The following MAD1L1 variants were observed in gnomAD, a reference collection of about 807,000 sequenced individuals.
The protein encoded by MAD1L1 is mitotic arrest deficient 1 like 1.
Under a neutral mutation model 96.9 loss-of-function variants are expected in MAD1L1, and 95 were observed. The observed-to-expected ratio is 0.98, with a 90% CI of 0.83 to 1.16. The LOEUF is 1.16. Among genes scored for constraint, MAD1L1 ranks in the 50% most tolerant of loss-of-function variants. The pLI is 0.00. For synonymous variants in MAD1L1, 473 were observed against 396.6 expected, an observed-to-expected ratio of 1.19 and a Z score of -2.29; for missense variants, 1,007 against 954.4, an observed-to-expected ratio of 1.06 and a Z score of -0.73.
At chr7:1,846,601 CCCA>C (rs1364333860) in intron 18 of MAD1L1, 1 of 154,998 alleles carries the variant, frequency 6.5e-6, no homozygotes, top group Non-Finnish European at 1.4e-5. Context: ...AGGAGCTGCC[CCCA>C]CAAGGAATGG....
At chr7:1,907,620 C>T (rs1004113038) in intron 17 of MAD1L1, among the ~76,000 whole-genome samples, 6 of 152,238 alleles carry the variant, frequency 3.9e-5, no homozygotes, top group African/African-American at 9.6e-5. Flanking sequence ...TGTGCGTTCA[C>T]GGACAAGTCA....
chr7:2,231,923 G>A (rs373293907), intron 1 of MAD1L1, among the ~76,000 whole-genome samples: 8 of 152,066 alleles, frequency 5.3e-5, no homozygotes, highest in African/African-American at 1.7e-4. Flanking sequence ...ATGGGAATAC[G>A]GCTGCAGGTT....
chr7:2,108,937 C>A (rs950667210), intron 11 of MAD1L1, among the ~76,000 whole-genome samples: 1 of 152,248 alleles, frequency 6.6e-6, no homozygotes, highest in Non-Finnish European at 1.5e-5. Flanking sequence ...AGGGCCCCCG[C>A]GAGGGCTCGC....
chr7:2,085,473 T>A (rs1785868359), intron 11 of MAD1L1, among the ~76,000 whole-genome samples: 1 of 152,226 alleles, frequency 6.6e-6, no homozygotes, highest in African/African-American at 2.4e-5. Flanking sequence ...ACTCTGATAT[T>A]TCTGCCCACA....
At chr7:2,116,570 G>GT (rs1474754089) in intron 11 of MAD1L1, among the ~76,000 whole-genome samples, 10 of 121,036 alleles carry the variant, frequency 8.3e-5, no homozygotes, top group Non-Finnish European at 1.8e-4. Context: ...AGAGGGTTGG[G>GT]GGGGGGGGGG....
intron 18 of MAD1L1, chr7:1,849,049 C>CATGT (rs1378230666): frequency 1.4e-5 from 1 of 69,994 alleles, no homozygotes; most frequent in Non-Finnish European, 2.9e-5. Context: ...TGTACATGTA[C>CATGT]ACACACACAC....
At chr7:1,908,499 A>C (rs1045182279) in intron 17 of MAD1L1, among the ~76,000 whole-genome samples, 1 of 152,116 alleles carries the variant, frequency 6.6e-6, no homozygotes, top group Non-Finnish European at 1.5e-5. Flanking sequence ...CTCCCACCTC[A>C]GCTTCCCAAG....
chr7:2,121,301 C>T (rs1043050281), intron 11 of MAD1L1, among the ~76,000 whole-genome samples: 7 of 152,250 alleles, frequency 4.6e-5, no homozygotes, highest in African/African-American at 1.7e-4. Flanking sequence ...CTCTGTTCAG[C>T]GTCAGAGCGA....
At chr7:1,831,045 G>C (rs1260664621) in intron 18 of MAD1L1, among the ~76,000 whole-genome samples, 1 of 152,300 alleles carries the variant, frequency 6.6e-6, no homozygotes, top group Non-Finnish European at 1.5e-5. Flanking sequence ...ACGTGAAGCA[G>C]ATACAGCGTG....
chr7:1,871,565 A>G (rs1785101662), intron 18 of MAD1L1, among the ~76,000 whole-genome samples: 2 of 138,914 alleles, frequency 1.4e-5, no homozygotes, highest in South Asian at 2.4e-4. Context: ...TGAACCCAAC[A>G]TACGCCTGCC....
At chr7:2,178,703 C>T (rs1277738232) in intron 10 of MAD1L1, among the ~76,000 whole-genome samples, 1 of 152,118 alleles carries the variant, frequency 6.6e-6, no homozygotes, top group Non-Finnish European at 1.5e-5. Flanking sequence ...TCGAGACAAG[C>T]CTGGCCAACA....
At chr7:2,189,198 C>G (rs891042729) in intron 10 of MAD1L1, among the ~76,000 whole-genome samples, 1 of 152,108 alleles carries the variant, frequency 6.6e-6, no homozygotes, top group Non-Finnish European at 1.5e-5. Context: ...TGTGGAGAAA[C>G]TGGAACTCCT....
intron 14 of MAD1L1, among the ~76,000 whole-genome samples, chr7:1,989,431 C>T (rs2128488319): frequency 6.6e-6 from 1 of 152,362 alleles, no homozygotes; most frequent in South Asian, 2.1e-4. Flanking sequence ...ATGAAGCAAC[C>T]TGTTGATCTC....
intron 16 of MAD1L1, among the ~76,000 whole-genome samples, chr7:1,947,864 G>A (rs1366424973): frequency 2.0e-5 from 3 of 152,200 alleles, no homozygotes; most frequent in Non-Finnish European, 4.4e-5. Context: ...TGTCGCCGAG[G>A]GGCCTGCGGG....
Position 2,012,220 on chromosome 7 carries a change from C to T in MAD1L1, c.1359+2282G>A, listed in dbSNP as rs115045390. 4.0e-3 allele frequency among the ~76,000 whole-genome samples: 615 copies of T among 152,336 alleles called. 5 individuals carry two copies. Among genetic ancestry groups the T allele is most frequent in the African/African-American group, 0.014 (564 of 41,576 alleles). ...ATCTGGTCAATGAGTCCTGAGGTCCCTGACAGCCCTGATCGCCTTAACACA... is the reference window on the plus strand; with the variant it reads ...ATCTGGTCAATGAGTCCTGAGGTCCTTGACAGCCCTGATCGCCTTAACACA... On this transcript the variant is annotated intron_variant, in intron 13 of 18. Transcript: ENST00000265854.
At chr7:1,881,940 C>T (rs566948794) in intron 18 of MAD1L1, among the ~76,000 whole-genome samples, 3 of 152,348 alleles carry the variant, frequency 2.0e-5, no homozygotes, top group East Asian at 1.9e-4. Context: ...GCTGGTGCCA[C>T]GGTAGAAGGG....
chr7:2,129,207 C>T (rs994676922), intron 11 of MAD1L1, among the ~76,000 whole-genome samples: 11 of 152,194 alleles, frequency 7.2e-5, no homozygotes, highest in Non-Finnish European at 1.2e-4. Flanking sequence ...GCTAACCCAC[C>T]GCCAGGCAGC....
chr7:2,191,829 G>A (rs768350403), intron 10 of MAD1L1, among the ~76,000 whole-genome samples: 40 of 152,070 alleles, frequency 2.6e-4, no homozygotes, highest in Non-Finnish European at 4.1e-4. Flanking sequence ...TCAGGAGTTC[G>A]AGATCAGCCT....
chr7:2,073,013 A>G (rs1785209476), intron 11 of MAD1L1, among the ~76,000 whole-genome samples: 1 of 152,192 alleles, frequency 6.6e-6, no homozygotes, highest in Non-Finnish European at 1.5e-5. Context: ...GCTCAGTGCA[A>G]TAGAGCCAGG....
Sources: gnomAD v4.1 joint callset for allele counts (sites outside exome capture counted in the v4.1 genomes callset) on GRCh38, gnomAD v4.1.1 for gene constraint, MANE v1.5 for transcripts, NCBI Gene and HGNC (gene_info 2026-07-23, HGNC 2026-07-21) for gene names.